The following ZBTB17 variants were observed in gnomAD, a reference collection of about 807,000 sequenced individuals.
The protein encoded by ZBTB17 is zinc finger and BTB domain containing 17.
A neutral mutation model predicts 85.1 loss-of-function variants in ZBTB17; 24 were observed. The ratio of observed to expected loss-of-function variants is 0.28; its 90% confidence interval spans 0.20 to 0.40. The LOEUF is 0.40. Ranked by LOEUF, ZBTB17 falls within the 10% of genes least tolerant of loss-of-function variation. ZBTB17 has a pLI of 1.00. For synonymous variants in ZBTB17, 464 were observed against 460.2 expected, an observed-to-expected ratio of 1.01 and a Z score of -0.11; for missense variants, 743 against 1,105.1, an observed-to-expected ratio of 0.67 and a Z score of 4.65.
Position 15,942,715 on chromosome 1 carries a change from T to C in ZBTB17, c.1852A>G (p.Lys618Glu), listed in dbSNP as rs750773446. The C allele has an allele frequency of 1.9e-6, 3 of 1,613,448 alleles. No individual in the cohort carries two copies. The highest frequency in any genetic ancestry group is 2.5e-6 in the Non-Finnish European group (3 of 1,180,040). ...HTGEKPYLCD[K>E]CGRGFNRVDN... ...ACCCGGTTGAAGCCACGCCCACACT[T>C]ATCACACAGGTAAGGCTTCTCTCCT... Residue 618 changes from lysine (K) to glutamate (E), a missense_variant, in exon 14 of 16, where the codon AAG becomes GAG. By Grantham distance (56) the Lys-to-Glu change is moderately conservative. Around this residue, in one of 4 missense-constraint regions of ZBTB17, gnomAD observed 321 missense variants for 615.7 expected, o/e 0.52. Coordinates refer to ENST00000375743, the MANE Select transcript of ZBTB17 (RefSeq NM_003443.3).
At chr1:15,947,292 C>T in intron 3 of ZBTB17, 169 bp from the exon 4 acceptor site, 2 of 655,792 alleles carry the variant, frequency 3.0e-6, no homozygotes, top group East Asian at 5.5e-5. Context: ...TGGGGGATCT[C>T]AGCACTACCA....
rs1386292104 is a variant in ZBTB17 at position 15,951,868 on chromosome 1, G to A, written c.-2-3371C>T. ...CGTGCTAGGAGGTGCTGTCTGGGGA[G>A]ACGTTAACCACAGTAATCAGATCAA... On this transcript the variant is annotated intron_variant, in intron 2 of 15. Coordinates refer to ENST00000375743, the MANE Select transcript of ZBTB17 (RefSeq NM_003443.3). This position sits in a 1 kb window ranked among gnomAD's most constrained non-coding sequence, Gnocchi z 4.1. 6.6e-6 allele frequency among the ~76,000 whole-genome samples: 1 copy of A among 152,104 alleles called. No homozygotes were observed. The highest frequency in any genetic ancestry group is 1.5e-5 in the Non-Finnish European group (1 of 68,014).
At position 15,951,080 on chromosome 1, in the gene ZBTB17, AACATTTTCC is replaced by A. The variant is rs1465364832; in HGVS notation, c.-2-2592_-2-2584del. Among the ~76,000 whole-genome samples, 1 of 152,214 alleles carries A rather than the reference AACATTTTCC, an allele frequency of 6.6e-6. No homozygotes were observed. The highest frequency in any genetic ancestry group is 1.5e-5 in the Non-Finnish European group (1 of 68,044). Reference sequence around the variant, plus strand: ...AGAGAGCAGCTGTGTGCCCATGAGCAACATTTTCCACCGTGCTGACTGCACTTTTCCAAT... The same window carrying A: ...AGAGAGCAGCTGTGTGCCCATGAGCAACCGTGCTGACTGCACTTTTCCAAT... On this transcript the variant is annotated intron_variant, in intron 2 of 15. Coordinates refer to ENST00000375743, the MANE Select transcript of ZBTB17 (RefSeq NM_003443.3). This position sits in a 1 kb window ranked among gnomAD's most constrained non-coding sequence, Gnocchi z 4.1.
At chr1:15,955,471 G>C (rs1052230194) in intron 2 of ZBTB17, among the ~76,000 whole-genome samples, 5 of 152,006 alleles carry the variant, frequency 3.3e-5, no homozygotes, top group African/African-American at 1.2e-4. Context: ...ATTTCCACTG[G>C]AGAGTACCCA....
At chr1:15,969,893 G>A (rs144919037) in intron 2 of ZBTB17, 1 of 625,866 alleles carries the variant, frequency 1.6e-6, no homozygotes, top group Non-Finnish European at 3.0e-6. Context: ...GACAGACGGA[G>A]GCAGCTAGGA....
intron 2 of ZBTB17, among the ~76,000 whole-genome samples, chr1:15,959,370 G>A (rs2072164877): frequency 6.6e-6 from 1 of 152,108 alleles, no homozygotes; most frequent in Non-Finnish European, 1.5e-5. Context: ...GGGAAGTGGG[G>A]AAGGAGCTCA....
At chr1:15,950,734 G>A (rs1030707740) in intron 2 of ZBTB17, among the ~76,000 whole-genome samples, 2 of 152,222 alleles carry the variant, frequency 1.3e-5, no homozygotes, top group African/African-American at 4.8e-5. Context: ...AACCCCCAGA[G>A]GTACAAAGAA....
chr1:15,946,292 C>T lies in ZBTB17; in HGVS notation c.397G>A (p.Gly133Arg). The T allele has an allele frequency of 6.2e-7, 1 of 1,612,124 alleles. No homozygotes were observed. Among genetic ancestry groups the T allele is most frequent in the Non-Finnish European group, 8.5e-7 (1 of 1,178,586 alleles). Reference sequence around the variant, plus strand: ...TTCTCCTCTTTGGCTCTCTTGTCCCCTCCTGGAGATGGAACAGGGCAGACC... The same window carrying T: ...TTCTCCTCTTTGGCTCTCTTGTCCCTTCCTGGAGATGGAACAGGGCAGACC... Reference protein sequence around the residue: ...GNAEALATEGGDKRAKEEKVA... With the variant: ...GNAEALATEGRDKRAKEEKVA... The change falls in exon 5 of 16, where the codon GGG (glycine) becomes AGG (arginine). Residue 133 changes from glycine to arginine, a missense_variant and splice_region_variant. Coordinates refer to ENST00000375743, the MANE Select transcript of ZBTB17 (RefSeq NM_003443.3).
Position 15,964,177 on chromosome 1 carries a change from G to A in ZBTB17, c.-3+8862C>T, listed in dbSNP as rs574032389. 1.3e-5 allele frequency among the ~76,000 whole-genome samples: 2 copies of A among 151,606 alleles called. No individual in the cohort carries two copies. Among genetic ancestry groups the A allele is most frequent in the East Asian group, 3.9e-4 (2 of 5,180 alleles). On this transcript the variant is annotated intron_variant, in intron 2 of 15. Coordinates refer to ENST00000375743, the MANE Select transcript of ZBTB17 (RefSeq NM_003443.3). The surrounding 1 kb of genome is among the most constrained non-coding windows in gnomAD (Gnocchi z 4.3). ...TAAAATGCACACCCACAGAATAAAA[G>A]TGGAAGAGAAAGTGATAGCAATTAA...
chr1:15,948,026 G>A (rs1227411186), intron 3 of ZBTB17: 5 of 522,836 alleles, frequency 9.6e-6, no homozygotes, highest in Non-Finnish European at 1.7e-5. Context: ...CCCTCCCAAT[G>A]AGGCCTTTCC....
chr1:15,944,313 T>C lies in ZBTB17; in HGVS notation c.1358A>G (p.Lys453Arg), dbSNP rs1171537695. Residue 453 changes from lysine to arginine, a missense_variant, in exon 9 of 16, where the codon AAG (lysine) becomes AGG (arginine). Around this residue, in one of 4 missense-constraint regions of ZBTB17, gnomAD observed 321 missense variants for 615.7 expected, o/e 0.52. Coordinates refer to ENST00000375743, the MANE Select transcript of ZBTB17 (RefSeq NM_003443.3). ...GGGTCCGCACACCTGGTTGAACTTC[T>C]TGTCGCAGTGTGGGCACTTGTGCTC... Reference protein sequence around the residue: ...DKEHKCPHCDKKFNQVGNLKA... With the variant: ...DKEHKCPHCDRKFNQVGNLKA... 14 of 1,552,856 alleles carry C rather than the reference T, an allele frequency of 9.0e-6. No homozygotes were observed. The highest frequency in any genetic ancestry group is 1.1e-5 in the Non-Finnish European group (13 of 1,148,024).
Position 15,964,037 on chromosome 1 carries a change from A to T in ZBTB17, c.-3+9002T>A, listed in dbSNP as rs1165472458. Among the ~76,000 whole-genome samples, 2 of 151,866 alleles carry T rather than the reference A, an allele frequency of 1.3e-5. No homozygotes were observed. On this transcript the variant is annotated intron_variant, in intron 2 of 15. Transcript: ENST00000375743. This position sits in a 1 kb window ranked among gnomAD's most constrained non-coding sequence, Gnocchi z 4.3. ...CGAGAAGCTGAGGCAGGAGGATTGC[A>T]TAATCCTAGAAGGTCCAGGCTGCAG...
intron 2 of ZBTB17, among the ~76,000 whole-genome samples, chr1:15,972,085 G>A (rs1337885263): frequency 6.6e-6 from 1 of 152,006 alleles, no homozygotes; most frequent in African/African-American, 2.4e-5. Flanking sequence ...GCCTTCCAGC[G>A]CCAGTGCATC....
At chr1:15,956,417 C>T (rs186165123) in intron 2 of ZBTB17, among the ~76,000 whole-genome samples, 150 of 152,346 alleles carry the variant, frequency 9.8e-4, no homozygotes, top group Non-Finnish European at 1.9e-3. Context: ...GAATGACTAA[C>T]ACAATGTCAA....
intron 6 of ZBTB17, 82 bp from the exon 7 acceptor site, chr1:15,945,284 G>T: frequency 6.6e-7 from 1 of 1,509,158 alleles, no homozygotes; most frequent in South Asian, 1.3e-5. Context: ...ATGTGGAAGG[G>T]ACAGTAAATG....
chr1:15,959,815 A>G (rs2072193076), intron 2 of ZBTB17, among the ~76,000 whole-genome samples: 1 of 152,154 alleles, frequency 6.6e-6, no homozygotes, highest in African/African-American at 2.4e-5. Flanking sequence ...AAGAAAATAA[A>G]TGCCTGCAAA....
intron 2 of ZBTB17, among the ~76,000 whole-genome samples, chr1:15,957,178 C>CTAA (rs2072076242): frequency 1.1e-5 from 1 of 87,386 alleles, no homozygotes; most frequent in African/African-American, 4.1e-5. Flanking sequence ...GACTCCATCT[C>CTAA]AAAAAAAAAA....
At chr1:15,961,783 G>C (rs1315911146) in intron 2 of ZBTB17, among the ~76,000 whole-genome samples, 1 of 152,220 alleles carries the variant, frequency 6.6e-6, no homozygotes, top group Admixed American at 6.5e-5. Context: ...CTGGCTCCTG[G>C]TCCTAGTAAG....
chr1:15,967,961 G>A (rs932684196), intron 2 of ZBTB17, among the ~76,000 whole-genome samples: 4 of 152,158 alleles, frequency 2.6e-5, no homozygotes, highest in Admixed American at 6.5e-5. Context: ...GTGATTTTGT[G>A]CCAGGAGATA....
Sources: gnomAD v4.1 joint callset for allele counts (sites outside exome capture counted in the v4.1 genomes callset) on GRCh38, gnomAD v4.1.1 for gene constraint, gnomAD v4.1.1 regional missense constraint, Gnocchi (gnomAD v3.1) non-coding constraint, MANE v1.5 for transcripts, NCBI Gene and HGNC (gene_info 2026-07-23, HGNC 2026-07-21) for gene names.